ITPR1: variants seen among roughly 807,000 people sequenced by gnomAD.
The protein encoded by ITPR1 is inositol 1,4,5-trisphosphate receptor type 1, also known as inositol 1,4,5-trisphosphate-gated calcium channel ITPR1.
In ITPR1, 96 loss-of-function variants were observed where a neutral mutation model predicts 318.4. That is an observed-to-expected ratio of 0.30 (90% CI 0.26 to 0.36). The LOEUF (loss-of-function observed/expected upper bound fraction) is 0.36. Among genes scored for constraint, ITPR1 ranks in the 10% least tolerant of loss-of-function variants. The probability of loss-of-function intolerance (pLI) is 1.00; values close to 1 mark genes in which losing one functional copy is unlikely to be tolerated. For synonymous variants in ITPR1, 1,312 were observed against 1,289.9 expected (o/e 1.02, Z -0.37); for missense variants, 2,440 against 3,460.2 (o/e 0.71, Z 7.40).
chr3:4,630,919 T>G (rs763082703), intron 5 of ITPR1, among the ~76,000 whole-genome samples: 13 of 152,192 alleles, frequency 8.5e-5, no homozygotes, highest in Non-Finnish European at 1.6e-4. Context: ...TTCACTATGC[T>G]ATGTGTTTAA....
Position 4,567,522 on chromosome 3 carries a change from A to G in ITPR1, c.163+46428A>G, listed in dbSNP as rs915764512. On this transcript the variant is annotated intron_variant, in intron 4 of 61. Transcript: ENST00000649015. ...TGAGATTAGAGATAGGCGAATGAAG[A>G]TGACAGTCAACCACGTGCGGTGGGC... Among the ~76,000 whole-genome samples, 8 of 152,260 alleles carry G rather than the reference A, an allele frequency of 5.3e-5. 1 individual carries two copies.
intron 4 of ITPR1, among the ~76,000 whole-genome samples, chr3:4,555,617 C>T (rs1364590781): frequency 1.3e-5 from 2 of 152,234 alleles, no homozygotes; most frequent in East Asian, 1.9e-4. Context: ...ATGGAGGAAA[C>T]TTACTAATCT....
intron 46 of ITPR1, among the ~76,000 whole-genome samples, chr3:4,771,783 T>A (rs2046204228): frequency 6.6e-6 from 1 of 152,116 alleles, no homozygotes; most frequent in Non-Finnish European, 1.5e-5. Context: ...TTTGAAGGTA[T>A]CATAAAGATT....
intron 44 of ITPR1, among the ~76,000 whole-genome samples, chr3:4,742,298 A>G (rs1304861024): frequency 6.6e-6 from 1 of 152,214 alleles, no homozygotes; most frequent in Non-Finnish European, 1.5e-5. Flanking sequence ...AGGGTTGGAA[A>G]AGCCTAGTCC....
At chr3:4,745,165 C>G (rs944115798) in intron 44 of ITPR1, among the ~76,000 whole-genome samples, 1 of 147,176 alleles carries the variant, frequency 6.8e-6, no homozygotes, top group Non-Finnish European at 1.5e-5. Context: ...CCTTCCCTTC[C>G]TTTCCCCTTT....
intron 4 of ITPR1, among the ~76,000 whole-genome samples, chr3:4,562,322 C>T (rs1473775375): frequency 6.6e-6 from 1 of 152,040 alleles, no homozygotes; most frequent in Admixed American, 6.6e-5. Flanking sequence ...TAAGTTGCAG[C>T]AAGTAGGTTT....
Position 4,665,025 on chromosome 3 carries a change from G to A in ITPR1, c.1555-113G>A, listed in dbSNP as rs1013732752. On this transcript the variant is annotated intron_variant, in intron 16 of 61. Coordinates refer to ENST00000649015, the MANE Select transcript of ITPR1 (RefSeq NM_001378452.1). ...TTCAGGTTATGGATGTGTTGGGATA[G>A]AGAAATTTTCTAATGTAATCCAGCC... 38 of 1,107,088 alleles carry A rather than the reference G, an allele frequency of 3.4e-5. No individual in the cohort carries two copies. In the African/African-American group the frequency reaches 4.8e-4, roughly 14 times the overall value. The allele number at this position is 1,107,088 out of a possible 1,614,324, so 68.6% of individuals were successfully genotyped here.
intron 4 of ITPR1, among the ~76,000 whole-genome samples, chr3:4,600,972 AAATT>A (rs2091226793): frequency 6.6e-6 from 1 of 152,180 alleles, no homozygotes; most frequent in East Asian, 1.9e-4. Context: ...TTCCTGGAGT[AAATT>A]AATTCTTTTC....
In ITPR1 at chr3:4,627,798, T is replaced by G; in HGVS notation, c.199T>G (p.Ser67Ala). 1 of 1,613,784 alleles carries G rather than the reference T, an allele frequency of 6.2e-7. No homozygotes were observed. Among genetic ancestry groups the G allele is most frequent in the Non-Finnish European group, 8.5e-7 (1 of 1,179,746 alleles). Residue 67 changes from serine (S) to alanine (A), a missense_variant, in exon 5 of 62, where the codon TCT becomes GCT. Coordinates refer to ENST00000649015, the MANE Select transcript of ITPR1 (RefSeq NM_001378452.1). Reference protein sequence around the residue: ...LFKLCPMNRYSAQKQFWKAAK... With the variant: ...LFKLCPMNRYAAQKQFWKAAK... ...TAAGCTATGTCCCATGAACCGCTAC[T>G]CTGCCCAAAAGCAGTTCTGGAAAGC...
intron 20 of ITPR1, among the ~76,000 whole-genome samples, chr3:4,672,433 A>G (rs139962809): frequency 1.4e-4 from 22 of 152,366 alleles, no homozygotes; most frequent in African/African-American, 5.3e-4. Flanking sequence ...AAATACATAG[A>G]GTTTTTAATT....
chr3:4,576,164 G>T (rs1559475432), intron 4 of ITPR1, among the ~76,000 whole-genome samples: 1 of 152,272 alleles, frequency 6.6e-6, no homozygotes, highest in East Asian at 1.9e-4. Flanking sequence ...TTGCAAGGTG[G>T]TATAAAATGA....
intron 2 of ITPR1, among the ~76,000 whole-genome samples, chr3:4,504,302 C>T (rs944090465): frequency 6.6e-6 from 1 of 151,980 alleles, no homozygotes; most frequent in African/African-American, 2.4e-5. Flanking sequence ...ATGTGTGTTG[C>T]GGCGGGGGGA....
At chr3:4,695,364 G>A (rs2094541121) in intron 33 of ITPR1, among the ~76,000 whole-genome samples, 1 of 152,136 alleles carries the variant, frequency 6.6e-6, no homozygotes, top group African/African-American at 2.4e-5. Context: ...GAGAAGCGTC[G>A]TGTTATAACA....
chr3:4,666,360 G>A (rs967233892), intron 17 of ITPR1, among the ~76,000 whole-genome samples: 5 of 152,090 alleles, frequency 3.3e-5, no homozygotes, highest in Admixed American at 1.3e-4. Flanking sequence ...CCTTCAGTGC[G>A]TTGATACTGT....
chr3:4,836,040 C>T (rs190117890), intron 60 of ITPR1, among the ~76,000 whole-genome samples: 1 of 152,290 alleles, frequency 6.6e-6, no homozygotes, highest in Admixed American at 6.5e-5. Flanking sequence ...CATTTTCAGC[C>T]TCTTAATGAT....
chr3:4,742,238 T>A (rs941956993), intron 44 of ITPR1, among the ~76,000 whole-genome samples: 3 of 152,170 alleles, frequency 2.0e-5, no homozygotes, highest in African/African-American at 7.2e-5. Context: ...TCAGTGACCT[T>A]GGGGTTTGTC....
intron 10 of ITPR1, among the ~76,000 whole-genome samples, chr3:4,651,718 C>G (rs377667787): frequency 6.6e-6 from 1 of 152,244 alleles, no homozygotes; most frequent in African/African-American, 2.4e-5. Context: ...CTGAGTTTCA[C>G]ATTTCAGAGC....
intron 59 of ITPR1, among the ~76,000 whole-genome samples, chr3:4,815,876 T>C (rs1262050026): frequency 6.6e-6 from 1 of 152,176 alleles, no homozygotes. Flanking sequence ...TTAAGCTTTT[T>C]GCTTTGGCAT....
chr3:4,613,521 T>C (rs1575725227), intron 4 of ITPR1, among the ~76,000 whole-genome samples: 2 of 152,172 alleles, frequency 1.3e-5, no homozygotes, highest in Admixed American at 6.5e-5. Flanking sequence ...CAGGGAATGC[T>C]CATTGCCTGA....
Sources: allele counts gnomAD v4.1 joint callset (sites outside exome capture counted in the v4.1 genomes callset), GRCh38; gene constraint gnomAD v4.1.1; transcripts MANE v1.5; gene names NCBI Gene and HGNC (gene_info 2026-07-23, HGNC 2026-07-21).